ZRANB3: variants seen among roughly 807,000 people sequenced by gnomAD.
The protein encoded by ZRANB3 is zinc finger RANBP2-type containing 3.
Under a neutral mutation model 133.8 loss-of-function variants are expected in ZRANB3, and 125 were observed. The observed-to-expected ratio is 0.93, with a 90% CI of 0.81 to 1.08. The LOEUF is 1.08. ZRANB3 is among the 50% of genes least tolerant of loss of function. The pLI, the probability that ZRANB3 is intolerant of heterozygous loss-of-function variation, is 0.00. For missense variants in ZRANB3, 1,229 were observed against 1,275.5 expected (o/e 0.96, Z 0.56); for synonymous variants, 387 against 432.7 (o/e 0.89, Z 1.31).
At chr2:135,285,200 A>C (rs2104786593) in intron 8 of ZRANB3, among the ~76,000 whole-genome samples, 1 of 152,188 alleles carries the variant, frequency 6.6e-6, no homozygotes, top group African/African-American at 2.4e-5. Context: ...ATTCCAACCT[A>C]CCCATTCTTG....
chr2:135,248,572 TA>T (rs1161032547), intron 12 of ZRANB3, among the ~76,000 whole-genome samples: 4 of 134,438 alleles, frequency 3.0e-5, no homozygotes, highest in African/African-American at 1.4e-4. Context: ...ATAAGAAACT[TA>T]AACAAATTTA....
chr2:135,386,825 C>G (rs1687001725), intron 3 of ZRANB3, among the ~76,000 whole-genome samples: 1 of 151,964 alleles, frequency 6.6e-6, no homozygotes, highest in South Asian at 2.1e-4. Context: ...GGGAACATCA[C>G]ACACGGGGGC....
intron 6 of ZRANB3, among the ~76,000 whole-genome samples, chr2:135,334,560 G>A (rs1465909230): frequency 6.6e-6 from 1 of 152,128 alleles, no homozygotes; most frequent in Non-Finnish European, 1.5e-5. Flanking sequence ...TGAGGACAAA[G>A]GAGGGACAGT....
intron 12 of ZRANB3, among the ~76,000 whole-genome samples, chr2:135,261,148 G>A (rs901970524): frequency 2.0e-5 from 3 of 151,884 alleles, no homozygotes; most frequent in African/African-American, 7.3e-5. Context: ...ATTGAAAGTT[G>A]AAAGTTTTCT....
At chr2:135,325,618 A>T (rs1185699127) in intron 6 of ZRANB3, among the ~76,000 whole-genome samples, 2 of 152,112 alleles carry the variant, frequency 1.3e-5, no homozygotes, top group African/African-American at 2.4e-5. Context: ...GACGGTCTTG[A>T]TCTCCTGACC....
rs770612425 is a variant in ZRANB3, at chr2:135,207,761, G to A, written c.2682C>T (p.Pro894=). ...CTTGCAAATAGCCTTTGGATGTAGA[G>A]GGCTTCACAGTGAGATCTGCCTGGA... The part of the protein sequence containing the change: ...YTVQADLTVK[P]STSKGYLQAV... Residue 894 remains proline, a synonymous_variant, in exon 19 of 21, where the codon CCC becomes CCT. Transcript: ENST00000264159. The A allele has an allele frequency of 1.2e-5, 19 of 1,613,996 alleles. No individual in the cohort carries two copies. Among genetic ancestry groups the A allele is most frequent in the Middle Eastern group, 3.3e-4 (2 of 6,062 alleles).
At chr2:135,500,260 C>T (rs1490837824) in intron 2 of ZRANB3, among the ~76,000 whole-genome samples, 1 of 152,112 alleles carries the variant, frequency 6.6e-6, no homozygotes, top group Non-Finnish European at 1.5e-5. Context: ...AACCTATGAC[C>T]TAACAATTCT....
At chr2:135,510,629 CA>C in intron 1 of ZRANB3, 1 of 780,844 alleles carries the variant, frequency 1.3e-6, no homozygotes, top group Non-Finnish European at 2.3e-6. Flanking sequence ...CTCATTCCAC[CA>C]CCCAGCCCAC....
intron 9 of ZRANB3, 93 bp downstream of exon 9, chr2:135,275,543 C>CA (rs1264416990): frequency 2.6e-6 from 3 of 1,132,682 alleles, no homozygotes; most frequent in East Asian, 3.0e-5. Flanking sequence ...CTAAAGAAGA[C>CA]AAAAAACACC....
At chr2:135,292,961 T>C (rs1412287671) in intron 8 of ZRANB3, among the ~76,000 whole-genome samples, 2 of 152,044 alleles carry the variant, frequency 1.3e-5, no homozygotes, top group African/African-American at 4.8e-5. Flanking sequence ...TATATCTCTG[T>C]TTTGGTACCA....
intron 12 of ZRANB3, among the ~76,000 whole-genome samples, chr2:135,235,538 A>G (rs1695246531): frequency 1.3e-5 from 2 of 152,156 alleles, no homozygotes; most frequent in South Asian, 4.1e-4. Flanking sequence ...AAAATCCTCA[A>G]TAAAATACTG....
chr2:135,262,178 A>C (rs1450298008), intron 12 of ZRANB3, among the ~76,000 whole-genome samples: 1 of 151,108 alleles, frequency 6.6e-6, no homozygotes, highest in Non-Finnish European at 1.5e-5. Flanking sequence ...AAAAAAAAAA[A>C]AACAAAGAAA....
intron 2 of ZRANB3, among the ~76,000 whole-genome samples, chr2:135,474,322 G>A (rs1215040953): frequency 4.1e-4 from 62 of 152,054 alleles, no homozygotes; most frequent in Non-Finnish European, 4.4e-5. Flanking sequence ...CCCGACTCTA[G>A]CCTTACTTAA....
chr2:135,203,879 A>G (rs962335609), intron 19 of ZRANB3, among the ~76,000 whole-genome samples: 2 of 152,224 alleles, frequency 1.3e-5, no homozygotes, highest in Admixed American at 1.3e-4. Context: ...GCCAGTCCAT[A>G]TATACACATT....
At chr2:135,409,961 G>A (rs552995450) in intron 2 of ZRANB3, among the ~76,000 whole-genome samples, 1 of 151,950 alleles carries the variant, frequency 6.6e-6, no homozygotes, top group African/African-American at 2.4e-5. Flanking sequence ...AACTTTGTAT[G>A]AAACACTGAT....
intron 3 of ZRANB3, among the ~76,000 whole-genome samples, chr2:135,367,196 T>C (rs1351595720): frequency 6.6e-6 from 1 of 152,188 alleles, no homozygotes; most frequent in East Asian, 1.9e-4. Flanking sequence ...GGCTCTGGAG[T>C]GGTGGCCCAT....
chr2:135,228,759 A>G (rs1300986164), intron 13 of ZRANB3, among the ~76,000 whole-genome samples: 3 of 152,204 alleles, frequency 2.0e-5, no homozygotes, highest in Non-Finnish European at 2.9e-5. Context: ...CAGATGTGGC[A>G]GTGGTAGAAA....
intron 6 of ZRANB3, among the ~76,000 whole-genome samples, chr2:135,329,632 C>G (rs1684033248): frequency 6.6e-6 from 1 of 152,204 alleles, no homozygotes; most frequent in South Asian, 2.1e-4. Context: ...AGCATTGAAT[C>G]TATAAACTAC....
chr2:135,245,684 C>T (rs933048805), intron 12 of ZRANB3, among the ~76,000 whole-genome samples: 2 of 151,010 alleles, frequency 1.3e-5, no homozygotes, highest in Admixed American at 1.3e-4. Context: ...CCCAGCACTT[C>T]GGGAGGCTGA....
Sources: gnomAD v4.1 joint callset for allele counts (sites outside exome capture counted in the v4.1 genomes callset) on GRCh38, gnomAD v4.1.1 for gene constraint, MANE v1.5 for transcripts, NCBI Gene and HGNC (gene_info 2026-07-23, HGNC 2026-07-21) for gene names.